Variants in CTNNA2 observed in about 807,000 individuals in gnomAD.
CTNNA2 encodes the protein catenin alpha-2.
In CTNNA2, 42 loss-of-function variants were observed where a neutral mutation model predicts 101.0. The ratio of observed to expected loss-of-function variants is 0.42; its 90% CI spans 0.32 to 0.54. CTNNA2 has a LOEUF of 0.54. CTNNA2 is among the 20% of genes least tolerant of loss of function. The pLI, the probability that CTNNA2 is intolerant of heterozygous loss-of-function variation, is 0.14. For missense variants in CTNNA2, 871 were observed against 1,223.1 expected, an observed-to-expected ratio of 0.71 and a Z score of 4.29; for synonymous variants, 450 against 456.4, an observed-to-expected ratio of 0.99 and a Z score of 0.18.
chr2:79,867,880 G>A (rs1682264269), intron 4 of CTNNA2, among the ~76,000 whole-genome samples: 1 of 152,050 alleles, frequency 6.6e-6, no homozygotes, highest in African/African-American at 2.4e-5. Flanking sequence ...ATAAGCAGCA[G>A]GAACAAATTA....
chr2:80,162,861 T>C (rs1458532686), intron 7 of CTNNA2: 1 of 1,596,206 alleles, frequency 6.3e-7, no homozygotes, highest in Non-Finnish European at 8.6e-7. Context: ...CTGAATTATC[T>C]GTGCTGATGA....
intron 3 of CTNNA2, among the ~76,000 whole-genome samples, chr2:79,809,344 A>G (rs1676826471): frequency 6.6e-6 from 1 of 152,206 alleles, no homozygotes; most frequent in African/African-American, 2.4e-5. Flanking sequence ...TTCTGGTTCT[A>G]GATCCTTGAG....
intron 8 of CTNNA2, among the ~76,000 whole-genome samples, 193 bp from the exon 9 acceptor site, chr2:80,419,256 A>G (rs1440528707): frequency 6.6e-6 from 1 of 152,204 alleles, no homozygotes; most frequent in Non-Finnish European, 1.5e-5. Context: ...GTTGACATAT[A>G]ATATGTTTAA....
intron 13 of CTNNA2, among the ~76,000 whole-genome samples, chr2:80,578,497 CAT>C (rs1695255654): frequency 6.6e-6 from 1 of 152,114 alleles, no homozygotes; most frequent in Admixed American, 6.6e-5. Flanking sequence ...AAATAGCACT[CAT>C]AGTTTTAAAA....
chr2:79,924,362 C>T (rs1686879371), intron 7 of CTNNA2, among the ~76,000 whole-genome samples: 1 of 152,050 alleles, frequency 6.6e-6, no homozygotes, highest in Non-Finnish European at 1.5e-5. Context: ...CTTTCTCTGG[C>T]CTGCTAAACA....
At chr2:79,516,455 G>A (rs1324696893) in intron 1 of CTNNA2, among the ~76,000 whole-genome samples, 1 of 152,120 alleles carries the variant, frequency 6.6e-6, no homozygotes, top group Non-Finnish European at 1.5e-5. Context: ...TGCAGGGTGG[G>A]CTGGAACAAA....
intron 9 of CTNNA2, among the ~76,000 whole-genome samples, chr2:80,536,607 C>T (rs367794058): frequency 1.6e-4 from 25 of 152,190 alleles, no homozygotes; most frequent in African/African-American, 5.3e-4. Flanking sequence ...ATTTGATTTC[C>T]GAGGCCAGAA....
Position 79,224,513 on chromosome 2 carries a change from C to A in CTNNA2, c.-406+26437C>A, listed in dbSNP as rs374141610. ...ACCCATCTTAGTTTTTGATAAATTT[C>A]AATGTAAGTTGCAGACATATATACA... On this transcript the variant is annotated intron_variant, in intron 2 of 21. Transcript: ENST00000466387. Among the ~76,000 whole-genome samples the A allele has an allele frequency of 2.6e-5, 4 of 152,238 alleles. No individual in the cohort carries two copies. In the East Asian group the frequency reaches 7.7e-4, roughly 29 times the overall value.
chr2:79,766,770 T>C (rs1045793659), intron 3 of CTNNA2, among the ~76,000 whole-genome samples: 3 of 152,182 alleles, frequency 2.0e-5, no homozygotes, highest in African/African-American at 7.2e-5. Context: ...TTTCTTTTTT[T>C]TTTAACACAG....
chr2:79,322,982 T>C (rs774450203), intron 3 of CTNNA2, among the ~76,000 whole-genome samples: 14 of 152,222 alleles, frequency 9.2e-5, no homozygotes, highest in Non-Finnish European at 1.8e-4. Context: ...GTATCTTCTA[T>C]CTCTCTTAAC....
chr2:80,539,326 TG>T (rs1558564544), intron 9 of CTNNA2, among the ~76,000 whole-genome samples: 816 of 66,932 alleles, frequency 0.012, 8 homozygotes, highest in African/African-American at 0.035. Context: ...TTTTTTTTGT[TG>T]TTGTTGTTGT....
intron 3 of CTNNA2, among the ~76,000 whole-genome samples, chr2:79,770,844 A>G (rs975684017): frequency 4.6e-5 from 7 of 152,200 alleles, no homozygotes; most frequent in African/African-American, 1.7e-4. Flanking sequence ...TTTGGTTTCA[A>G]ACTTAGTTCT....
intron 7 of CTNNA2, among the ~76,000 whole-genome samples, chr2:80,203,701 C>G (rs1707352825): frequency 6.6e-6 from 1 of 152,190 alleles, no homozygotes; most frequent in South Asian, 2.1e-4. Context: ...GGTGGAGTTA[C>G]CACTCTGGTT....
chr2:79,540,462 C>G (rs1444784044), intron 1 of CTNNA2, among the ~76,000 whole-genome samples: 2 of 152,150 alleles, frequency 1.3e-5, no homozygotes, highest in African/African-American at 4.8e-5. Context: ...CAGAGTTTTG[C>G]CCCTCAGCTG....
At chr2:79,746,969 A>G (rs76631648) in intron 3 of CTNNA2, among the ~76,000 whole-genome samples, 8,517 of 152,230 alleles carry the variant, frequency 0.056, 376 homozygotes, top group African/African-American at 0.12. Context: ...TAAGAGGTGA[A>G]TGAATGGTCT....
intron 9 of CTNNA2, among the ~76,000 whole-genome samples, chr2:80,480,192 A>C (rs1686040870): frequency 6.6e-6 from 1 of 152,142 alleles, no homozygotes; most frequent in Non-Finnish European, 1.5e-5. Context: ...TTAAAAGTTG[A>C]CAAAATGAAA....
In CTNNA2 at chr2:79,554,983, T is replaced by G. The variant is rs147256305; in HGVS notation, c.-6+41776T>G. Among the ~76,000 whole-genome samples, 671 of 152,300 alleles carry G rather than the reference T, an allele frequency of 4.4e-3. 5 individuals are homozygous for G. Among genetic ancestry groups the G allele is most frequent in the African/African-American group, 0.015 (630 of 41,574 alleles). On this transcript the variant is annotated intron_variant, in intron 1 of 18. Coordinates refer to ENST00000402739, the MANE Select transcript of CTNNA2 (RefSeq NM_001282597.3). ...CAGCCATTTAATTGCATTTGCTCAT[T>G]TTCAAGATGCAAAACAAAAGAGCCC...
intron 7 of CTNNA2, among the ~76,000 whole-genome samples, chr2:80,077,385 G>A (rs1300833580): frequency 6.6e-6 from 1 of 152,070 alleles, no homozygotes; most frequent in Non-Finnish European, 1.5e-5. Context: ...ACTTCAACAA[G>A]TATGAATGGA....
chr2:79,508,995 A>T (rs1402973609), upstream of CTNNA2, among the ~76,000 whole-genome samples: 2 of 125,672 alleles, frequency 1.6e-5, no homozygotes, highest in South Asian at 4.9e-4. Flanking sequence ...ATATATATAT[A>T]TATATATATA....
Sources: allele counts gnomAD v4.1 joint callset (sites outside exome capture counted in the v4.1 genomes callset), GRCh38; gene constraint gnomAD v4.1.1; transcripts MANE v1.5; gene names NCBI Gene and HGNC (gene_info 2026-07-23, HGNC 2026-07-21).